BICDL1: variants seen among roughly 807,000 people sequenced by gnomAD.
BICDL1 encodes BICD family like cargo adaptor 1.
A neutral mutation model predicts 76.8 loss-of-function variants in BICDL1; 20 were observed. The ratio of observed to expected loss-of-function variants is 0.26; its 90% CI spans 0.18 to 0.38. The LOEUF (loss-of-function observed/expected upper bound fraction) is 0.38, where lower values mean the gene tolerates loss of function less well. Among genes scored for constraint, BICDL1 ranks in the 10% least tolerant of loss-of-function variants. BICDL1 has a pLI of 1.00. For synonymous variants in BICDL1, 383 were observed against 337.1 expected (o/e 1.14, Z -1.49); for missense variants, 700 against 798.6 (o/e 0.88, Z 1.49).
intron 2 of BICDL1, among the ~76,000 whole-genome samples, chr12:120,020,842 G>A (rs1952164460): frequency 6.6e-6 from 1 of 152,190 alleles, no homozygotes; most frequent in Non-Finnish European, 1.5e-5. Context: ...CAGGCAGTAT[G>A]AAGTAAACAG....
At chr12:120,014,347 A>T (rs1190064455) in intron 2 of BICDL1, among the ~76,000 whole-genome samples, 1 of 152,206 alleles carries the variant, frequency 6.6e-6, no homozygotes, top group Non-Finnish European at 1.5e-5. Context: ...CATCGGATTG[A>T]GGCATCTTTC....
rs563301189 is a variant in BICDL1, at chr12:120,092,112, A to C, written c.1705-888A>C. The stretch of plus-strand genomic sequence containing the variant: ...AGGCTGCTCATATTTCTAAAGCAGG[A>C]GTTTTCAAACTTTGTTAGTGGCAGA... On this transcript the variant is annotated intron_variant, in intron 9 of 9. Transcript: ENST00000548673. 5.3e-5 allele frequency: 52 copies of C among 985,444 alleles called. 1 individual carries two copies. In the African/African-American group the frequency reaches 8.7e-4, roughly 17 times the overall value. 61.0% of individuals were successfully genotyped at this position (985,444 alleles called of 1,614,324 possible).
chr12:120,074,339 C>T lies in BICDL1; in HGVS notation c.1309-104C>T, dbSNP rs1873361843. 2.0e-5 allele frequency: 14 copies of T among 684,138 alleles called. No homozygotes were observed. The South Asian group carries it at 4.5e-4, about 22-fold the overall frequency. 42.4% of individuals were successfully genotyped at this position (684,138 alleles called of 1,614,324 possible). On this transcript the variant is annotated intron_variant, in intron 6 of 9. Coordinates refer to ENST00000548673, the MANE Select transcript of BICDL1 (RefSeq NM_001367886.1). ...CCCACATCATTCCTCCACTCTCCCC[C>T]ATTTCTCCTCTCCTTCTCTCCCCGA...
chr12:120,066,407 A>G lies in BICDL1; in HGVS notation c.909+1528A>G, dbSNP rs1418441039. Among the ~76,000 whole-genome samples, 10 of 152,224 alleles carry G rather than the reference A, an allele frequency of 6.6e-5. No homozygotes were observed. In the East Asian group the frequency reaches 1.7e-3, roughly 26 times the overall value. On this transcript the variant is annotated intron_variant, in intron 4 of 9. Transcript: ENST00000548673. Reference sequence around the variant, plus strand: ...GCCTAAAAGAAACTTTCAGTTCAGCATGAATTTATAGTGAAAAGTCCTTAT... The same window carrying G: ...GCCTAAAAGAAACTTTCAGTTCAGCGTGAATTTATAGTGAAAAGTCCTTAT...
intron 2 of BICDL1, among the ~76,000 whole-genome samples, chr12:120,022,492 GTA>G (rs577815161): frequency 5.5e-5 from 8 of 145,828 alleles, no homozygotes; most frequent in Admixed American, 6.9e-5. Context: ...ATATTTTTGT[GTA>G]TATATATATA....
At chr12:120,052,892 C>T (rs913847076) in intron 2 of BICDL1, among the ~76,000 whole-genome samples, 1 of 152,186 alleles carries the variant, frequency 6.6e-6, no homozygotes, top group African/African-American at 2.4e-5. Flanking sequence ...CTGCCTCAGC[C>T]TCCTGAGTAG....
At chr12:120,032,142 A>G (rs1288593406) in intron 2 of BICDL1, among the ~76,000 whole-genome samples, 1 of 152,174 alleles carries the variant, frequency 6.6e-6, no homozygotes, top group Non-Finnish European at 1.5e-5. Flanking sequence ...TTATGTGTAT[A>G]CAGGACCTCA....
chr12:120,024,472 T>G (rs1214777051), intron 2 of BICDL1, among the ~76,000 whole-genome samples: 1 of 152,134 alleles, frequency 6.6e-6, no homozygotes, highest in Non-Finnish European at 1.5e-5. Flanking sequence ...AAAAAACATC[T>G]AGCAGTGAGC....
At chr12:120,045,178 T>A (rs1333016289) in intron 2 of BICDL1, among the ~76,000 whole-genome samples, 2 of 152,168 alleles carry the variant, frequency 1.3e-5, no homozygotes, top group Non-Finnish European at 2.9e-5. Context: ...ATGCTCACCA[T>A]CACTGGCCAT....
At chr12:120,016,628 C>T (rs1952068357) in intron 2 of BICDL1, among the ~76,000 whole-genome samples, 1 of 151,706 alleles carries the variant, frequency 6.6e-6, no homozygotes. Flanking sequence ...CCATGTTGCC[C>T]AGGCTGATCT....
At chr12:120,052,921 A>AG (rs1226107146) in intron 2 of BICDL1, among the ~76,000 whole-genome samples, 1 of 151,384 alleles carries the variant, frequency 6.6e-6, no homozygotes, top group African/African-American at 2.4e-5. Flanking sequence ...TACGGACTAC[A>AG]GGCACCCGCC....
chr12:120,050,118 T>C (rs926403334), intron 2 of BICDL1, among the ~76,000 whole-genome samples: 4 of 152,200 alleles, frequency 2.6e-5, no homozygotes, highest in African/African-American at 4.8e-5. Context: ...CTTTGAAGTA[T>C]CTGTTCGAAT....
At chr12:120,022,580 T>G (rs1952207255) in intron 2 of BICDL1, among the ~76,000 whole-genome samples, 1 of 151,426 alleles carries the variant, frequency 6.6e-6, no homozygotes, top group African/African-American at 2.4e-5. Flanking sequence ...CTTTATAAGG[T>G]ATATTGGGGA....
At chr12:120,088,203 G>T (rs1233268985) in intron 8 of BICDL1, among the ~76,000 whole-genome samples, 1 of 150,822 alleles carries the variant, frequency 6.6e-6, no homozygotes, top group Non-Finnish European at 1.5e-5. Context: ...AAGTGCTGGG[G>T]ATTAGAGGCG....
chr12:119,991,615 C>CT (rs201872651), intron 1 of BICDL1, among the ~76,000 whole-genome samples: 1,999 of 148,712 alleles, frequency 0.013, 24 homozygotes, highest in East Asian at 0.053. Flanking sequence ...AAAAGCCTTC[C>CT]TTTTTTTTTT....
intron 4 of BICDL1, among the ~76,000 whole-genome samples, chr12:120,067,000 G>A (rs1466655265): frequency 6.6e-6 from 1 of 152,204 alleles, no homozygotes; most frequent in Admixed American, 6.5e-5. Flanking sequence ...TTTGATCTCT[G>A]TCACTATATA....
chr12:120,069,985 A>G (rs1209328358), intron 4 of BICDL1, among the ~76,000 whole-genome samples: 1 of 152,214 alleles, frequency 6.6e-6, no homozygotes, highest in Non-Finnish European at 1.5e-5. Flanking sequence ...TAGTAGCAGT[A>G]TATTCTTTCA....
intron 2 of BICDL1, among the ~76,000 whole-genome samples, chr12:120,036,815 G>T (rs1349893899): frequency 6.6e-6 from 1 of 152,238 alleles, no homozygotes; most frequent in Non-Finnish European, 1.5e-5. Flanking sequence ...GGCGGAGGTT[G>T]CAGTGAGCCA....
chr12:120,011,387 T>G (rs1951949657), intron 2 of BICDL1, among the ~76,000 whole-genome samples: 1 of 151,972 alleles, frequency 6.6e-6, no homozygotes, highest in Non-Finnish European at 1.5e-5. Context: ...GTAGAAAGAG[T>G]CCTGGGCTTC....
Sources: allele counts gnomAD v4.1 joint callset (sites outside exome capture counted in the v4.1 genomes callset), GRCh38; gene constraint gnomAD v4.1.1; transcripts MANE v1.5; gene names NCBI Gene and HGNC (gene_info 2026-07-23, HGNC 2026-07-21).